Variants in KCNQ2 observed in about 807,000 individuals in gnomAD.
The protein encoded by KCNQ2 is potassium voltage-gated channel subfamily KQT member 2.
Under a neutral mutation model 84.8 loss-of-function variants are expected in KCNQ2, and 14 were observed. The ratio of observed to expected loss-of-function variants is 0.17; its 90% CI spans 0.11 to 0.26. The LOEUF (loss-of-function observed/expected upper bound fraction) is 0.26. Ranked by LOEUF, KCNQ2 falls within the 10% of genes least tolerant of loss-of-function variation. KCNQ2 has a pLI of 1.00. For synonymous variants in KCNQ2, 599 were observed against 554.1 expected, an observed-to-expected ratio of 1.08 and a Z score of -1.14; for missense variants, 788 against 1,254.0, an observed-to-expected ratio of 0.63 and a Z score of 5.61.
At chr20:63,465,135 C>T (rs1226682273) in intron 1 of KCNQ2, among the ~76,000 whole-genome samples, 2 of 152,266 alleles carry the variant, frequency 1.3e-5, no homozygotes, top group Non-Finnish European at 2.9e-5. Context: ...CCTGCCAGAC[C>T]TCAGAGCACT....
intron 10 of KCNQ2, among the ~76,000 whole-genome samples, chr20:63,424,912 G>A (rs1169640463): frequency 2.0e-5 from 3 of 152,240 alleles, no homozygotes; most frequent in African/African-American, 4.8e-5. Flanking sequence ...CTGGTACGCC[G>A]TGTTACAAGC....
chr20:63,463,199 C>A (rs1276668293), intron 1 of KCNQ2, among the ~76,000 whole-genome samples: 2 of 152,070 alleles, frequency 1.3e-5, no homozygotes, highest in Non-Finnish European at 2.9e-5. Flanking sequence ...GAGTTCTGGG[C>A]TGCAGTGAGC....
At position 63,446,480 on chromosome 20, in the gene KCNQ2, G is replaced by A. The variant is rs1012825325; in HGVS notation, c.387+267C>T. ...GGAAAGGGAGGGTGGCCCACCCAGG[G>A]TGGGGGCGATGGAGGCGGGGCTGTC... On this transcript the variant is annotated intron_variant, in intron 2 of 16. Transcript: ENST00000359125. This position sits in a 1 kb window ranked among gnomAD's most constrained non-coding sequence, Gnocchi z 5.5. 1.3e-5 allele frequency among the ~76,000 whole-genome samples: 2 copies of A among 152,182 alleles called. No individual in the cohort carries two copies. The highest frequency in any genetic ancestry group is 4.8e-5 in the African/African-American group (2 of 41,452).
intron 15 of KCNQ2, among the ~76,000 whole-genome samples, chr20:63,409,690 C>CG (rs754382353): frequency 7.2e-5 from 11 of 152,192 alleles, no homozygotes; most frequent in Admixed American, 1.3e-4. Flanking sequence ...CCACACCAGC[C>CG]GACGGGGCCA....
chr20:63,444,953 C>T (rs369533534), intron 3 of KCNQ2, 119 bp from the exon 4 acceptor site: 47 of 1,179,202 alleles, frequency 4.0e-5, no homozygotes, highest in Non-Finnish European at 5.0e-5. Context: ...GTATGCCCAG[C>T]GCCTGGTGTG....
At chr20:63,417,990 G>C (rs1601585536) in intron 12 of KCNQ2, among the ~76,000 whole-genome samples, 1 of 152,152 alleles carries the variant, frequency 6.6e-6, no homozygotes, top group African/African-American at 2.4e-5. Context: ...TCAGATCTGC[G>C]AGGGAGGCTC....
chr20:63,469,128 G>C (rs980509814), intron 1 of KCNQ2, among the ~76,000 whole-genome samples: 1 of 152,224 alleles, frequency 6.6e-6, no homozygotes, highest in Non-Finnish European at 1.5e-5. Flanking sequence ...GGCTGCAGGA[G>C]AGAGGCTGGA....
intron 1 of KCNQ2, among the ~76,000 whole-genome samples, chr20:63,451,505 T>C (rs1360116029): frequency 6.6e-6 from 1 of 152,156 alleles, no homozygotes; most frequent in Admixed American, 6.5e-5. Context: ...TCGTGGCTTT[T>C]GTGATTGAAA....
rs1009176057 is a variant in KCNQ2, at chr20:63,404,112, A to C, written c.*2532T>G. On this transcript the variant is annotated 3_prime_UTR_variant, in exon 17 of 17. Transcript: ENST00000359125. The stretch of plus-strand genomic sequence containing the variant: ...CCTTGCTGGACATGAGTCTGGCCTC[A>C]GTCCCTCCTGCTGGGCGGCCAGCTT... The C allele has an allele frequency of 6.6e-6, 1 of 152,342 alleles. No individual in the cohort carries two copies. The highest frequency in any genetic ancestry group is 2.4e-5 in the African/African-American group (1 of 41,460). The allele number at this position is 152,342 out of a possible 1,614,324, so 9.4% of individuals were successfully genotyped here.
At chr20:63,444,890 G>C (rs2081367174) in intron 3 of KCNQ2, 56 bp from the exon 4 acceptor site, 1 of 1,512,404 alleles carries the variant, frequency 6.6e-7, no homozygotes, top group South Asian at 1.3e-5. Context: ...CACCCCCTTG[G>C]AGAAAACTCC....
Position 63,413,536 on chromosome 20 carries a change from C to G in KCNQ2, c.1677G>C (p.Leu559=). The G allele has an allele frequency of 6.2e-7, 1 of 1,613,464 alleles. No homozygotes were observed. Among genetic ancestry groups the G allele is most frequent in the Non-Finnish European group, 8.5e-7 (1 of 1,180,016 alleles). Residue 559 remains leucine (L), a synonymous_variant, in exon 15 of 17, where the codon CTG becomes CTC. Coordinates refer to ENST00000359125, the MANE Select transcript of KCNQ2 (RefSeq NM_172107.4). ...LVSKRKFKES[L]RPYDVMDVIE... ...TGACGTCCATCACGTCGTAGGGCCG[C>G]AGGCTCTCCTTGAACTTCCGCTTGG... is the stretch of plus-strand genomic sequence containing the variant.
intron 10 of KCNQ2, chr20:63,424,472 C>T (rs2080570421): frequency 9.0e-6 from 5 of 555,080 alleles, no homozygotes; most frequent in Non-Finnish European, 1.6e-5. Flanking sequence ...ACCTGGGGGT[C>T]TCTACCCCTC....
intron 4 of KCNQ2, among the ~76,000 whole-genome samples, chr20:63,443,387 AC>A (rs1328231701): frequency 2.8e-4 from 36 of 129,894 alleles, no homozygotes; most frequent in African/African-American, 8.7e-4. Context: ...CATCATCACC[AC>A]CACCATCACC....
chr20:63,407,015 G>A lies in KCNQ2; in HGVS notation c.2248C>T (p.Arg750Trp), dbSNP rs759060719. Residue 750 changes from arginine to tryptophan, a missense_variant, in exon 17 of 17, where the codon CGG becomes TGG. Arg to Trp is a moderately radical substitution (Grantham distance 101). This residue lies in a region of KCNQ2 where 378 missense variants were observed against 434.5 expected (regional missense o/e 0.87). Transcript: ENST00000359125. The surrounding 1 kb of genome is among the most constrained non-coding windows in gnomAD (Gnocchi z 7.2). Reference sequence around the variant, plus strand: ...CCCCCGCCGTAGGCGGACAGCGACCGCTCGTGGGCAGGCGGCGGCGGGATG... The same window carrying A: ...CCCCCGCCGTAGGCGGACAGCGACCACTCGTGGGCAGGCGGCGGCGGGATG... ...VRIPPPPAHE[R>W]SLSAYGGGNR... The A allele has an allele frequency of 7.9e-6, 12 of 1,527,558 alleles. No homozygotes were observed. The highest frequency in any genetic ancestry group is 2.4e-5 in the East Asian group (1 of 41,208). 94.6% of individuals were successfully genotyped at this position (1,527,558 alleles called of 1,614,324 possible).
chr20:63,427,514 G>A (rs929462834), intron 10 of KCNQ2, among the ~76,000 whole-genome samples: 1 of 152,232 alleles, frequency 6.6e-6, no homozygotes, highest in Admixed American at 6.5e-5. Context: ...AGTCCTAGAC[G>A]CCAGAGTCCA....
chr20:63,413,154 A>C (rs537503311), intron 15 of KCNQ2: 8 of 458,402 alleles, frequency 1.7e-5, no homozygotes, highest in Non-Finnish European at 4.2e-6. Flanking sequence ...AGAAGCATAC[A>C]TGTGTGCATG....
In KCNQ2 at chr20:63,472,097, C is replaced by A. The variant is rs1011709473; in HGVS notation, c.296+71G>T. The A allele has an allele frequency of 2.0e-5, 24 of 1,179,048 alleles. No individual in the cohort carries two copies. The African/African-American group carries it at 3.7e-4, about 18-fold the overall frequency. The allele number at this position is 1,179,048 out of a possible 1,614,324, so 73.0% of individuals were successfully genotyped here. A position where few individuals can be genotyped will look rare whatever the true frequency, so the allele number is the denominator to read the frequency against. On this transcript the variant is annotated intron_variant, in intron 1 of 16. Coordinates refer to ENST00000359125, the MANE Select transcript of KCNQ2 (RefSeq NM_172107.4). ...CCAAACCCGCCGCAGCCAGCCTGGCCGGGGTCGCCGATGGGGTCGCCGATG... is the reference window on the plus strand; with the variant it reads ...CCAAACCCGCCGCAGCCAGCCTGGCAGGGGTCGCCGATGGGGTCGCCGATG...
chr20:63,462,101 C>T (rs1364033999), intron 1 of KCNQ2, among the ~76,000 whole-genome samples: 10 of 131,816 alleles, frequency 7.6e-5, no homozygotes, highest in Admixed American at 5.4e-4. Context: ...GAAGAGGCTG[C>T]ACCCACCCCA....
intron 1 of KCNQ2, among the ~76,000 whole-genome samples, chr20:63,462,766 CT>C (rs2081988064): frequency 6.6e-6 from 1 of 152,206 alleles, no homozygotes; most frequent in Non-Finnish European, 1.5e-5. Flanking sequence ...AGGTCCATCA[CT>C]GCAAACCGGT....
Sources: gnomAD v4.1 joint callset for allele counts (sites outside exome capture counted in the v4.1 genomes callset) on GRCh38, gnomAD v4.1.1 for gene constraint, gnomAD v4.1.1 regional missense constraint, Gnocchi (gnomAD v3.1) non-coding constraint, MANE v1.5 for transcripts, NCBI Gene and HGNC (gene_info 2026-07-23, HGNC 2026-07-21) for gene names.